Variants in TAFA5 observed in about 807,000 individuals in gnomAD.
TAFA5 encodes the protein TAFA chemokine like family member 5.
Under a neutral mutation model 15.3 loss-of-function variants are expected in TAFA5, and 6 were observed. The ratio of observed to expected loss-of-function variants is 0.39; its 90% CI spans 0.21 to 0.77. The LOEUF (loss-of-function observed/expected upper bound fraction) is 0.77. Ranked by LOEUF, TAFA5 falls within the 30% of genes least tolerant of loss-of-function variation. The pLI, the probability that TAFA5 is intolerant of heterozygous loss-of-function variation, is 0.41. For missense variants in TAFA5, 161 were observed against 193.1 expected (o/e 0.83, Z 0.98); for synonymous variants, 103 against 80.7 (o/e 1.28, Z -1.48).
Position 48,550,116 on chromosome 22 carries a change from T to TG in TAFA5, c.112+60416dup, listed in dbSNP as rs1415087684. Among the ~76,000 whole-genome samples the TG allele has an allele frequency of 6.6e-6, 1 of 152,202 alleles. No individual in the cohort carries two copies. The highest frequency in any genetic ancestry group is 1.5e-5 in the Non-Finnish European group (1 of 68,032). ...GGCCTGTATCAGAAGCTGGGAACTT[T>TG]GGGGTATGCTGGGCATGGGTGTAGC... On this transcript the variant is annotated intron_variant, in intron 1 of 3. Transcript: ENST00000402357. The surrounding 1 kb of genome is among the most constrained non-coding windows in gnomAD (Gnocchi z 4.1).
intron 1 of TAFA5, among the ~76,000 whole-genome samples, chr22:48,574,638 G>A (rs1281444797): frequency 6.6e-6 from 1 of 152,184 alleles, no homozygotes; most frequent in Admixed American, 6.5e-5. Flanking sequence ...ACCCTGCACA[G>A]GTCAGGAGAG....
At chr22:48,555,817 C>A (rs542062614) in intron 1 of TAFA5, among the ~76,000 whole-genome samples, 1 of 152,130 alleles carries the variant, frequency 6.6e-6, no homozygotes, top group Non-Finnish European at 1.5e-5. Context: ...GCGCTGTGGC[C>A]GCTGGCTGGA....
intron 1 of TAFA5, among the ~76,000 whole-genome samples, chr22:48,497,091 CCGGTGCCAGCTCCACTCCCCACGGGCT>C (rs1928354647): frequency 6.6e-6 from 1 of 152,204 alleles, no homozygotes; most frequent in Non-Finnish European, 1.5e-5. Flanking sequence ...GGGCTTCCTC[CCGGTGCCAGCTCCACTCCCCACGGGCT>C]CGGGGCTCCC....
chr22:48,553,784 G>A (rs1389140396), intron 1 of TAFA5, among the ~76,000 whole-genome samples: 5 of 152,142 alleles, frequency 3.3e-5, no homozygotes, highest in Admixed American at 6.5e-5. Context: ...CCCGGTCCTC[G>A]TCTGTTCAGC....
Position 48,684,125 on chromosome 22 carries a change from G to GCA in TAFA5, c.263-23591_263-23590insAC, listed in dbSNP as rs373370392. 1.4e-4 allele frequency among the ~76,000 whole-genome samples: 20 copies of GCA among 139,978 alleles called. No homozygotes were observed. The South Asian group carries it at 5.2e-3, about 36-fold the overall frequency. The allele number at this position is 139,978 out of a possible 152,430, so 91.8% of individuals were successfully genotyped here. ...CCCGAGTCTCCTTACCATGGAGTGA[G>GCA]CCGTTACCTGAATTCCAGGCAATGG... On this transcript the variant is annotated intron_variant, in intron 2 of 3. Coordinates refer to ENST00000402357, the MANE Select transcript of TAFA5 (RefSeq NM_001082967.3).
In TAFA5 at chr22:48,679,114, G is replaced by A. The variant is rs1208320898; in HGVS notation, c.263-28603G>A. Among the ~76,000 whole-genome samples the A allele has an allele frequency of 3.3e-5, 3 of 91,956 alleles. 1 individual carries two copies. The highest frequency in any genetic ancestry group is 2.4e-4 in the Admixed American group (2 of 8,266). The allele number at this position is 91,956 out of a possible 152,430, so 60.3% of individuals were successfully genotyped here. On this transcript the variant is annotated intron_variant, in intron 2 of 3. Coordinates refer to ENST00000402357, the MANE Select transcript of TAFA5 (RefSeq NM_001082967.3). The stretch of plus-strand genomic sequence containing the variant: ...CCGGCTCCCTGTCCATCCCTCTCCC[G>A]GCTCCCTGTCCATCCCTCTCCCGGC...
intron 1 of TAFA5, among the ~76,000 whole-genome samples, chr22:48,597,393 C>T (rs1278613368): frequency 6.6e-6 from 1 of 150,426 alleles, no homozygotes; most frequent in African/African-American, 2.5e-5. Flanking sequence ...ACCTGGGCCT[C>T]AGTTTCCCTG....
intron 1 of TAFA5, among the ~76,000 whole-genome samples, chr22:48,629,661 G>A (rs2147188097): frequency 6.6e-6 from 1 of 152,310 alleles, no homozygotes; most frequent in African/African-American, 2.4e-5. Flanking sequence ...GATGATGTCT[G>A]GGGACAGCTG....
At chr22:48,568,500 G>C (rs149696688) in intron 1 of TAFA5, among the ~76,000 whole-genome samples, 1 of 152,116 alleles carries the variant, frequency 6.6e-6, no homozygotes, top group Non-Finnish European at 1.5e-5. Context: ...GACATCTCTC[G>C]GAGATCCCCA....
intron 1 of TAFA5, among the ~76,000 whole-genome samples, chr22:48,591,987 G>T (rs868687779): frequency 1.3e-5 from 2 of 148,760 alleles, no homozygotes; most frequent in African/African-American, 5.2e-5. Context: ...TGTGATGGCC[G>T]GGGGTGATGC....
chr22:48,656,455 G>A (rs1927246908), intron 2 of TAFA5, among the ~76,000 whole-genome samples: 1 of 151,510 alleles, frequency 6.6e-6, no homozygotes, highest in Non-Finnish European at 1.5e-5. Context: ...GCAGTGAGCC[G>A]AGATCGCGTC....
intron 2 of TAFA5, among the ~76,000 whole-genome samples, chr22:48,669,582 C>T (rs1190125139): frequency 2.0e-5 from 3 of 152,242 alleles, no homozygotes; most frequent in Admixed American, 6.5e-5. Flanking sequence ...TTGGATGCAG[C>T]AGGGTCCTTG....
intron 1 of TAFA5, among the ~76,000 whole-genome samples, chr22:48,513,086 G>A (rs1431915236): frequency 3.3e-5 from 5 of 152,188 alleles, no homozygotes; most frequent in Admixed American, 2.6e-4. Flanking sequence ...TCTGGGGTGC[G>A]TTTCTTCCCA....
intron 1 of TAFA5, among the ~76,000 whole-genome samples, chr22:48,540,618 TGCA>T (rs1922335256): frequency 6.7e-6 from 1 of 149,384 alleles, no homozygotes. Flanking sequence ...TTGCCTCAAA[TGCA>T]TCTTTTGTTT....
intron 3 of TAFA5, among the ~76,000 whole-genome samples, chr22:48,721,142 C>G (rs1160646105): frequency 1.3e-5 from 2 of 152,036 alleles, no homozygotes; most frequent in Non-Finnish European, 2.9e-5. Flanking sequence ...GCTGGACTTT[C>G]AAATGGCCCT....
intron 3 of TAFA5, among the ~76,000 whole-genome samples, chr22:48,725,819 G>A (rs573971742): frequency 3.6e-4 from 55 of 151,896 alleles, no homozygotes; most frequent in South Asian, 2.1e-3. Context: ...CTGAAGAGTC[G>A]TGGATGCTCC....
intron 2 of TAFA5, among the ~76,000 whole-genome samples, chr22:48,674,603 C>T (rs530310695): frequency 3.5e-4 from 54 of 152,264 alleles, no homozygotes; most frequent in African/African-American, 1.2e-3. Flanking sequence ...TGCAGTTAGA[C>T]GCTGCATCTG....
intron 2 of TAFA5, among the ~76,000 whole-genome samples, chr22:48,653,353 T>G (rs1927123458): frequency 6.6e-6 from 1 of 152,158 alleles, no homozygotes; most frequent in Non-Finnish European, 1.5e-5. Context: ...CCCTAGGACG[T>G]GGATGTGAAT....
At chr22:48,696,334 C>T (rs1928711039) in intron 2 of TAFA5, among the ~76,000 whole-genome samples, 1 of 152,214 alleles carries the variant, frequency 6.6e-6, no homozygotes, top group Non-Finnish European at 1.5e-5. Flanking sequence ...ATCCTCCCTC[C>T]ACTCTTCCCT....
Sources: allele counts gnomAD v4.1 joint callset (sites outside exome capture counted in the v4.1 genomes callset), GRCh38; gene constraint gnomAD v4.1.1; non-coding constraint Gnocchi (gnomAD v3.1); transcripts MANE v1.5; gene names NCBI Gene and HGNC (gene_info 2026-07-23, HGNC 2026-07-21).